SLC2A13: variants seen among roughly 807,000 people sequenced by gnomAD.
SLC2A13 encodes the protein proton myo-inositol cotransporter.
A neutral mutation model predicts 64.4 loss-of-function variants in SLC2A13; 32 were observed. That is an observed-to-expected ratio of 0.50 (90% CI 0.37 to 0.67). The LOEUF is 0.67. Among genes scored for constraint, SLC2A13 ranks in the 30% least tolerant of loss-of-function variants. SLC2A13 has a pLI of 0.00. For missense variants in SLC2A13, 743 were observed against 829.2 expected (o/e 0.90, Z 1.28); for synonymous variants, 338 against 327.1 (o/e 1.03, Z -0.36).
chr12:40,059,523 G>A lies in SLC2A13; in HGVS notation c.557-11313C>T, dbSNP rs146503820. ...TGCTAGAGCAGCTCACAGAACTCAG[G>A]GAAAGTTGTTTACTGGTTTGTTCTA... On this transcript the variant is annotated intron_variant, in intron 1 of 9. Coordinates refer to ENST00000280871, the MANE Select transcript of SLC2A13 (RefSeq NM_052885.4). Among the ~76,000 whole-genome samples the A allele has an allele frequency of 1.8e-3, 280 of 152,236 alleles. 2 individuals are homozygous for A. Among genetic ancestry groups the A allele is most frequent in the African/African-American group, 6.5e-3 (270 of 41,544 alleles).
At chr12:39,849,965 C>T (rs960050174) in intron 6 of SLC2A13, among the ~76,000 whole-genome samples, 1 of 151,716 alleles carries the variant, frequency 6.6e-6, no homozygotes, top group African/African-American at 2.4e-5. Flanking sequence ...TACTTTAATC[C>T]TATGGTTTAA....
chr12:39,942,905 G>A (rs373074284), intron 4 of SLC2A13, among the ~76,000 whole-genome samples: 2 of 151,834 alleles, frequency 1.3e-5, no homozygotes, highest in Non-Finnish European at 2.9e-5. Flanking sequence ...TCTACCTCTG[G>A]TCTTTGATGT....
At chr12:40,049,810 C>T (rs1044868588) in intron 1 of SLC2A13, among the ~76,000 whole-genome samples, 1 of 152,022 alleles carries the variant, frequency 6.6e-6, no homozygotes, top group Non-Finnish European at 1.5e-5. Context: ...TGGGAAAATT[C>T]ACTGTATTAT....
At position 39,756,371 on chromosome 12, in the gene SLC2A13, T is replaced by TAA. The variant is rs955804620; in HGVS notation, c.*3653_*3654dup. ...TTAAAAACTTGTCACAACAAGTGAATAAAAGTCAGTTGTTAGGTACTTAGT... is the reference window on the plus strand; with the variant it reads ...TTAAAAACTTGTCACAACAAGTGAATAAAAAAGTCAGTTGTTAGGTACTTAGT... On this transcript the variant is annotated 3_prime_UTR_variant, in exon 10 of 10. Transcript: ENST00000280871. 5 of 151,882 alleles carry TAA rather than the reference T, an allele frequency of 3.3e-5. No homozygotes were observed. The highest frequency in any genetic ancestry group is 1.3e-4 in the Admixed American group (2 of 15,190). The allele number at this position is 151,882 out of a possible 1,614,324, so 9.4% of individuals were successfully genotyped here.
chr12:40,007,187 C>A (rs576271695), intron 3 of SLC2A13, among the ~76,000 whole-genome samples: 1 of 152,028 alleles, frequency 6.6e-6, no homozygotes, highest in Admixed American at 6.5e-5. Flanking sequence ...ATAGATGCTG[C>A]GAGAAGGGAA....
intron 6 of SLC2A13, among the ~76,000 whole-genome samples, chr12:39,839,338 C>T (rs1000446228): frequency 1.3e-5 from 2 of 151,966 alleles, no homozygotes; most frequent in African/African-American, 4.8e-5. Context: ...CCCTGTTTAA[C>T]CATGTAAGTA....
chr12:39,811,976 T>A (rs890968051), intron 7 of SLC2A13, among the ~76,000 whole-genome samples: 2 of 152,258 alleles, frequency 1.3e-5, no homozygotes, highest in Non-Finnish European at 2.9e-5. Context: ...ATCTCTAATT[T>A]GTTTCTTTTA....
At chr12:39,839,534 T>C (rs117360106) in intron 6 of SLC2A13, among the ~76,000 whole-genome samples, 2,305 of 152,098 alleles carry the variant, frequency 0.015, 26 homozygotes, top group Middle Eastern at 0.024. Context: ...TTTTCCAACA[T>C]ACTATTATCA....
chr12:39,920,446 C>T (rs541071899), intron 4 of SLC2A13, among the ~76,000 whole-genome samples: 56 of 152,214 alleles, frequency 3.7e-4, no homozygotes, highest in African/African-American at 1.3e-3. Flanking sequence ...GCAGAGAGAA[C>T]TGCAGCAGAG....
chr12:39,821,691 T>A (rs1942515063), intron 7 of SLC2A13, among the ~76,000 whole-genome samples: 2 of 152,120 alleles, frequency 1.3e-5, no homozygotes, highest in Non-Finnish European at 2.9e-5. Context: ...ACGTGGCAAA[T>A]CCTTGTTTAA....
chr12:39,910,902 G>A (rs768520826), intron 4 of SLC2A13, among the ~76,000 whole-genome samples: 20 of 151,976 alleles, frequency 1.3e-4, no homozygotes, highest in Non-Finnish European at 2.1e-4. Flanking sequence ...GACCAATATG[G>A]TGAAACCCCG....
intron 6 of SLC2A13, among the ~76,000 whole-genome samples, chr12:39,838,497 A>T (rs950858415): frequency 1.3e-4 from 13 of 103,016 alleles, no homozygotes; most frequent in South Asian, 6.1e-4. Flanking sequence ...ATAATAAAAA[A>T]AAATAAATTA....
At chr12:39,874,615 CAAAAA>C (rs11287868) in intron 4 of SLC2A13, among the ~76,000 whole-genome samples, 2 of 101,114 alleles carry the variant, frequency 2.0e-5, no homozygotes, top group Non-Finnish European at 2.0e-5. Flanking sequence ...AACTCCATCT[CAAAAA>C]AAAAAAAAAA....
intron 3 of SLC2A13, among the ~76,000 whole-genome samples, chr12:39,952,653 G>A (rs1241506921): frequency 6.6e-6 from 1 of 152,158 alleles, no homozygotes; most frequent in African/African-American, 2.4e-5. Context: ...AGAGGGAATA[G>A]ATTAATTTAG....
intron 7 of SLC2A13, among the ~76,000 whole-genome samples, chr12:39,770,448 A>G (rs1940521350): frequency 6.6e-6 from 1 of 152,186 alleles, no homozygotes; most frequent in Non-Finnish European, 1.5e-5. Context: ...AAAAGCTTAT[A>G]TAATGAGCAC....
intron 7 of SLC2A13, among the ~76,000 whole-genome samples, chr12:39,785,643 T>C (rs1311561649): frequency 6.6e-6 from 1 of 152,050 alleles, no homozygotes; most frequent in Admixed American, 6.6e-5. Flanking sequence ...CAGCTTGCAC[T>C]ATGAGCCTGG....
intron 7 of SLC2A13, among the ~76,000 whole-genome samples, chr12:39,812,128 G>A (rs1407222358): frequency 6.6e-6 from 1 of 152,038 alleles, no homozygotes; most frequent in East Asian, 1.9e-4. Context: ...CAAGATCTAG[G>A]CACAAGAAGA....
intron 4 of SLC2A13, among the ~76,000 whole-genome samples, chr12:39,878,364 G>A (rs1007437756): frequency 1.1e-4 from 16 of 152,336 alleles, no homozygotes; most frequent in East Asian, 1.9e-4. Context: ...TTAAGAGACC[G>A]ACTAAATGGT....
chr12:39,821,803 G>A (rs1942518351), intron 7 of SLC2A13, among the ~76,000 whole-genome samples: 1 of 152,046 alleles, frequency 6.6e-6, no homozygotes, highest in African/African-American at 2.4e-5. Context: ...AATGGGCCAG[G>A]GAAATACAAT....
Sources: allele counts gnomAD v4.1 joint callset (sites outside exome capture counted in the v4.1 genomes callset), GRCh38; gene constraint gnomAD v4.1.1; transcripts MANE v1.5; gene names NCBI Gene and HGNC (gene_info 2026-07-23, HGNC 2026-07-21).